The following CTNNA2 variants were observed in gnomAD, a reference collection of about 807,000 sequenced individuals.
CTNNA2 encodes the protein catenin alpha 2.
CTNNA2 carries 42 observed loss-of-function variants against 101.0 expected under a neutral mutation model. The observed-to-expected ratio is 0.42, with a 90% CI of 0.32 to 0.54. The LOEUF (loss-of-function observed/expected upper bound fraction) is 0.54, where lower values mean the gene tolerates loss of function less well. CTNNA2 is among the 20% of genes least tolerant of loss of function. The pLI is 0.14. For missense variants in CTNNA2, 871 were observed against 1,223.1 expected, an observed-to-expected ratio of 0.71 and a Z score of 4.29; for synonymous variants, 450 against 456.4, an observed-to-expected ratio of 0.99 and a Z score of 0.18.
chr2:79,582,957 C>T (rs1676241211), intron 1 of CTNNA2, among the ~76,000 whole-genome samples: 1 of 152,018 alleles, frequency 6.6e-6, no homozygotes, highest in Non-Finnish European at 1.5e-5. Context: ...GTATCTCTTC[C>T]AGAATATGAT....
chr2:79,828,206 C>T (rs1166175700), intron 3 of CTNNA2, among the ~76,000 whole-genome samples: 5 of 152,196 alleles, frequency 3.3e-5, no homozygotes, highest in East Asian at 1.9e-4. Flanking sequence ...ATTAAAATAA[C>T]CTGAAGGTCC....
chr2:80,256,258 C>CA (rs1672135480), intron 7 of CTNNA2, among the ~76,000 whole-genome samples: 1 of 152,048 alleles, frequency 6.6e-6, no homozygotes, highest in Non-Finnish European at 1.5e-5. Context: ...AAATTCATCA[C>CA]AAAAATATAT....
At chr2:79,449,957 C>T (rs1439849870) in intron 4 of CTNNA2, among the ~76,000 whole-genome samples, 3 of 151,950 alleles carry the variant, frequency 2.0e-5, no homozygotes, top group Admixed American at 6.6e-5. Context: ...AAGTCTCGAA[C>T]GCACAGATAT....
intron 3 of CTNNA2, among the ~76,000 whole-genome samples, chr2:79,354,758 G>A (rs746442208): frequency 6.6e-6 from 1 of 152,130 alleles, no homozygotes; most frequent in Non-Finnish European, 1.5e-5. Flanking sequence ...CCCTGCAGTT[G>A]CTCCACTCAC....
chr2:79,326,300 CAA>C (rs72151080), intron 3 of CTNNA2, among the ~76,000 whole-genome samples: 6 of 118,894 alleles, frequency 5.0e-5, no homozygotes, highest in Admixed American at 8.4e-5. Context: ...AACAAACAAG[CAA>C]AAAAAAAAAA....
At chr2:79,997,929 C>T (rs1421355801) in intron 7 of CTNNA2, among the ~76,000 whole-genome samples, 1 of 152,126 alleles carries the variant, frequency 6.6e-6, no homozygotes, top group East Asian at 1.9e-4. Flanking sequence ...ATAGTGCTTT[C>T]CTGCTTAGAA....
intron 4 of CTNNA2, among the ~76,000 whole-genome samples, chr2:79,410,209 A>G (rs368464722): frequency 1.4e-5 from 2 of 145,432 alleles, no homozygotes; most frequent in Admixed American, 7.0e-5. Flanking sequence ...GGGCTGAGAC[A>G]ATGGGGTTTT....
intron 7 of CTNNA2, among the ~76,000 whole-genome samples, chr2:80,139,405 T>C (rs963006086): frequency 1.3e-5 from 2 of 152,140 alleles, no homozygotes; most frequent in Non-Finnish European, 2.9e-5. Flanking sequence ...GCTCCCTCTG[T>C]TTTTTTCTTT....
At chr2:80,424,241 A>G (rs981559849) in intron 9 of CTNNA2, among the ~76,000 whole-genome samples, 34 of 152,202 alleles carry the variant, frequency 2.2e-4, no homozygotes, top group African/African-American at 8.2e-4. Flanking sequence ...GGCGTGAGCC[A>G]CCGTGCCCGG....
chr2:80,631,933 A>C (rs1290176414), intron 18 of CTNNA2, among the ~76,000 whole-genome samples: 4 of 152,130 alleles, frequency 2.6e-5, no homozygotes, highest in Non-Finnish European at 4.4e-5. Flanking sequence ...GGAGAGATCT[A>C]ATTGGTTGGG....
chr2:80,218,170 ACT>A (rs1708378588), intron 7 of CTNNA2, among the ~76,000 whole-genome samples: 1 of 151,936 alleles, frequency 6.6e-6, no homozygotes, highest in East Asian at 1.9e-4. Context: ...ACTGTGGAAA[ACT>A]CTCTCTCTTG....
At chr2:79,591,908 AT>A (rs35116136) in intron 1 of CTNNA2, among the ~76,000 whole-genome samples, 1,523 of 131,994 alleles carry the variant, frequency 0.012, 12 homozygotes, top group South Asian at 0.027. Flanking sequence ...TGAAAAAAAA[AT>A]TTTTTTTTTT....
intron 9 of CTNNA2, among the ~76,000 whole-genome samples, chr2:80,540,367 C>T (rs951230296): frequency 6.6e-6 from 1 of 151,994 alleles, no homozygotes; most frequent in African/African-American, 2.4e-5. Flanking sequence ...GAGGCCGAGG[C>T]AAGTGGATCA....
At chr2:79,819,743 A>G (rs1677858582) in intron 3 of CTNNA2, among the ~76,000 whole-genome samples, 1 of 152,190 alleles carries the variant, frequency 6.6e-6, no homozygotes. Flanking sequence ...TAGGGCAACT[A>G]TAGTTAACAA....
chr2:79,404,581 C>T (rs1002720713), intron 4 of CTNNA2, among the ~76,000 whole-genome samples: 6 of 152,058 alleles, frequency 3.9e-5, no homozygotes, highest in Non-Finnish European at 7.4e-5. Context: ...AACAACACAA[C>T]ATGCAGGGCA....
intron 8 of CTNNA2, among the ~76,000 whole-genome samples, chr2:80,395,997 A>G (rs1677979604): frequency 6.6e-6 from 1 of 152,184 alleles, no homozygotes; most frequent in Admixed American, 6.5e-5. Flanking sequence ...GTGACCCTGG[A>G]GCCTTGAAAA....
At chr2:80,144,144 T>C (rs1483366060) in intron 7 of CTNNA2, among the ~76,000 whole-genome samples, 2 of 152,208 alleles carry the variant, frequency 1.3e-5, no homozygotes, top group East Asian at 3.9e-4. Context: ...ATAAAAATAG[T>C]AGGAAGCTTG....
At chr2:80,199,182 GAAAAAAAAAAAAAAA>G (rs70940076) in intron 7 of CTNNA2, among the ~76,000 whole-genome samples, 2 of 40,050 alleles carry the variant, frequency 5.0e-5, no homozygotes, top group Admixed American at 4.1e-4. Context: ...CTCCATCTCA[GAAAAAAAAAAAAAAA>G]AAAAAAAAAA....
chr2:80,508,321 A>T (rs1333500667), intron 9 of CTNNA2, among the ~76,000 whole-genome samples: 1 of 152,024 alleles, frequency 6.6e-6, no homozygotes, highest in East Asian at 1.9e-4. Context: ...TAAAAATAAT[A>T]ATAATTTTAA....
Sources: gnomAD v4.1 joint callset for allele counts (sites outside exome capture counted in the v4.1 genomes callset) on GRCh38, gnomAD v4.1.1 for gene constraint, MANE v1.5 for transcripts, NCBI Gene and HGNC (gene_info 2026-07-23, HGNC 2026-07-21) for gene names.